RPS6KA2: variants seen among roughly 807,000 people sequenced by gnomAD.
The protein encoded by RPS6KA2 is ribosomal protein S6 kinase A2.
Under a neutral mutation model 91.8 loss-of-function variants are expected in RPS6KA2, and 42 were observed. That is an observed-to-expected ratio of 0.46 (90% CI 0.36 to 0.59). The LOEUF (loss-of-function observed/expected upper bound fraction) is 0.59. Among genes scored for constraint, RPS6KA2 ranks in the 20% least tolerant of loss-of-function variants. The pLI is 0.00. For synonymous variants in RPS6KA2, 414 were observed against 393.6 expected (o/e 1.05, Z -0.61); for missense variants, 798 against 978.5 (o/e 0.82, Z 2.46).
chr6:166,515,071 T>G (rs1651309467), intron 3 of RPS6KA2, among the ~76,000 whole-genome samples: 1 of 151,806 alleles, frequency 6.6e-6, no homozygotes, highest in Non-Finnish European at 1.5e-5. Flanking sequence ...AGGATGAGAG[T>G]AGAACCATGG....
At chr6:166,663,296 T>C (rs1432922750) in intron 2 of RPS6KA2, among the ~76,000 whole-genome samples, 1 of 152,168 alleles carries the variant, frequency 6.6e-6, no homozygotes, top group African/African-American at 2.4e-5. Context: ...CCAAGGGCTA[T>C]TAAATGCAGC....
intron 3 of RPS6KA2, among the ~76,000 whole-genome samples, chr6:166,513,061 C>T (rs552562381): frequency 2.0e-5 from 3 of 152,182 alleles, no homozygotes; most frequent in South Asian, 4.1e-4. Context: ...AATACACTAA[C>T]ACTAGCTATA....
intron 2 of RPS6KA2, among the ~76,000 whole-genome samples, chr6:166,824,251 G>A (rs1458067691): frequency 6.6e-6 from 1 of 152,184 alleles, no homozygotes; most frequent in Non-Finnish European, 1.5e-5. Context: ...GCGAGGGAGG[G>A]CTGCCCATGG....
intron 1 of RPS6KA2, among the ~76,000 whole-genome samples, chr6:166,571,189 C>A (rs1784675958): frequency 6.6e-6 from 1 of 152,162 alleles, no homozygotes; most frequent in African/African-American, 2.4e-5. Context: ...GCGGGACCAA[C>A]CCATAAGGGA....
intron 16 of RPS6KA2, among the ~76,000 whole-genome samples, chr6:166,426,867 G>C (rs1486344694): frequency 3.5e-5 from 5 of 144,046 alleles, no homozygotes; most frequent in African/African-American, 1.0e-4. Context: ...AATTCTACCA[G>C]AGGTACAAGG....
rs1403964918 is a variant in RPS6KA2 at position 166,563,481 on chromosome 6, G to A, written c.100-24697C>T. ...GCCCCCTGCCACCCCCAGGGGCTGC[G>A]GCTCCCCCAGATGCCCAGCCTCAGC... On this transcript the variant is annotated intron_variant, in intron 1 of 20. Transcript: ENST00000265678. The surrounding 1 kb of genome is among the most constrained non-coding windows in gnomAD (Gnocchi z 4.1). 1.3e-5 allele frequency among the ~76,000 whole-genome samples: 2 copies of A among 151,802 alleles called. No individual in the cohort carries two copies. Among genetic ancestry groups the A allele is most frequent in the African/African-American group, 2.4e-5 (1 of 41,296 alleles).
intron 14 of RPS6KA2, among the ~76,000 whole-genome samples, chr6:166,447,791 C>T (rs750483376): frequency 4.6e-5 from 7 of 152,130 alleles, no homozygotes; most frequent in Non-Finnish European, 1.0e-4. Context: ...AGCGTAGCAC[C>T]GTGTGCTACA....
intron 1 of RPS6KA2, among the ~76,000 whole-genome samples, chr6:166,579,375 G>C (rs1272614080): frequency 6.6e-6 from 1 of 152,034 alleles, no homozygotes; most frequent in Non-Finnish European, 1.5e-5. Flanking sequence ...TTCCTGGAGT[G>C]GTGCTGGCCT....
rs1562416002 is a variant in RPS6KA2, at chr6:166,748,554, CCCCA to C, written c.123+109642_123+109645del. On this transcript the variant is annotated intron_variant, in intron 2 of 21. Transcript: ENST00000503859. ...CCTCGGGCCCCCCATCCCCTTGGGC[CCCCA>C]CCTCCTCAGGCCCCCACCTCCTCGG... 3.2e-3 allele frequency among the ~76,000 whole-genome samples: 312 copies of C among 96,894 alleles called. 22 individuals carry two copies. The highest frequency in any genetic ancestry group is 0.011 in the African/African-American group (237 of 21,240). 63.6% of individuals were successfully genotyped at this position (96,894 alleles called of 152,430 possible).
chr6:166,573,237 C>A (rs2128510876), intron 1 of RPS6KA2, among the ~76,000 whole-genome samples: 1 of 152,330 alleles, frequency 6.6e-6, no homozygotes, highest in African/African-American at 2.4e-5. Flanking sequence ...GAGAAGGGCA[C>A]TCCATCAGGG....
rs1412595331 is a variant in RPS6KA2 at position 166,437,333 on chromosome 6, A to C, written c.1333-4843T>G. Among the ~76,000 whole-genome samples the C allele has an allele frequency of 1.3e-5, 2 of 152,292 alleles. No homozygotes were observed. Among genetic ancestry groups the C allele is most frequent in the East Asian group, 3.9e-4 (2 of 5,172 alleles). ...GACGGCGTTCCTCATTCTGAGAATA[A>C]TATTGTTTTATAATCTTTATTATGC... On this transcript the variant is annotated intron_variant, in intron 14 of 20. Transcript: ENST00000265678. This position sits in a 1 kb window ranked among gnomAD's most constrained non-coding sequence, Gnocchi z 4.3.
rs1452390589 is a variant in RPS6KA2, at chr6:166,508,980, T to C, written c.380-698A>G. ...CCCGTCACCATCGCTGCTGTGACGA[T>C]GGTTGCTGCAGTGGCACTGGTGAGG... On this transcript the variant is annotated intron_variant, in intron 4 of 20. Coordinates refer to ENST00000265678, the MANE Select transcript of RPS6KA2 (RefSeq NM_021135.6). The surrounding 1 kb of genome is among the most constrained non-coding windows in gnomAD (Gnocchi z 4.3). Among the ~76,000 whole-genome samples, 3 of 152,238 alleles carry C rather than the reference T, an allele frequency of 2.0e-5. No homozygotes were observed. The highest frequency in any genetic ancestry group is 4.4e-5 in the Non-Finnish European group (3 of 68,036).
chr6:166,735,465 T>C (rs1717074870), intron 2 of RPS6KA2, among the ~76,000 whole-genome samples: 1 of 152,296 alleles, frequency 6.6e-6, no homozygotes, highest in South Asian at 2.1e-4. Context: ...TGACATTTAT[T>C]GTGTACTTTA....
In RPS6KA2 at chr6:166,459,463, G is replaced by A. The variant is rs765067636; in HGVS notation, c.1061C>T (p.Ala354Val). 69 of 1,613,356 alleles carry A rather than the reference G, an allele frequency of 4.3e-5. No homozygotes were observed. Among genetic ancestry groups the A allele is most frequent in the Middle Eastern group, 1.6e-4 (1 of 6,084 alleles). ...GTGGCACACACCTGTGGGCGTCCGCGCTGTGAACTCGGGGTCAAAGTGGAA... is the reference window on the plus strand; with the variant it reads ...GTGGCACACACCTGTGGGCGTCCGCACTGTGAACTCGGGGTCAAAGTGGAA... ...DTFHFDPEFT[A>V]RTPTDSPGVP... The change falls in exon 12 of 21, where the codon GCG (alanine) becomes GTG (valine). Residue 354 changes from alanine to valine, a missense_variant. Coordinates refer to ENST00000265678, the MANE Select transcript of RPS6KA2 (RefSeq NM_021135.6). This position sits in a 1 kb window ranked among gnomAD's most constrained non-coding sequence, Gnocchi z 4.9.
chr6:166,530,175 C>A (rs1783215994), intron 3 of RPS6KA2, among the ~76,000 whole-genome samples: 1 of 152,196 alleles, frequency 6.6e-6, no homozygotes, highest in Admixed American at 6.5e-5. Context: ...CCTAAAAATT[C>A]AAGTGCCGCC....
chr6:166,712,770 C>G (rs192171621), intron 2 of RPS6KA2, among the ~76,000 whole-genome samples: 13 of 152,330 alleles, frequency 8.5e-5, no homozygotes, highest in African/African-American at 3.1e-4. Flanking sequence ...TTCTGCCTTC[C>G]CGGCGCCCCC....
rs527387285 is a variant in RPS6KA2, at chr6:166,430,672, C to T, written c.1423-61G>A. The T allele has an allele frequency of 1.5e-5, 23 of 1,534,438 alleles. No homozygotes were observed. In the African/African-American group the frequency reaches 1.8e-4, roughly 12 times the overall value. ...GCTGGTTGCTGTGAAAGAGCAACTACTCCAGAGGGGACAGGAGAGGGAAGT... is the reference window on the plus strand; with the variant it reads ...GCTGGTTGCTGTGAAAGAGCAACTATTCCAGAGGGGACAGGAGAGGGAAGT... On this transcript the variant is annotated intron_variant, in intron 15 of 20. Coordinates refer to ENST00000265678, the MANE Select transcript of RPS6KA2 (RefSeq NM_021135.6).
chr6:166,670,819 G>GTTAT (rs1279128741), intron 2 of RPS6KA2, among the ~76,000 whole-genome samples: 61 of 152,194 alleles, frequency 4.0e-4, no homozygotes, highest in African/African-American at 1.3e-3. Flanking sequence ...TGTCCAACAC[G>GTTAT]TTATTTATTT....
At chr6:166,463,002 C>G (rs981508229) in intron 11 of RPS6KA2, 1 of 152,288 alleles carries the variant, frequency 6.6e-6, no homozygotes, top group African/African-American at 2.4e-5. Flanking sequence ...GAGGCTGCTG[C>G]GTTCTCACTC....
Sources: gnomAD v4.1 joint callset for allele counts (sites outside exome capture counted in the v4.1 genomes callset) on GRCh38, gnomAD v4.1.1 for gene constraint, Gnocchi (gnomAD v3.1) non-coding constraint, MANE v1.5 for transcripts, NCBI Gene and HGNC (gene_info 2026-07-23, HGNC 2026-07-21) for gene names.